Variants in TMEM114 observed in about 807,000 individuals in gnomAD.
The protein encoded by TMEM114 is claudin-26.
TMEM114 carries 6 observed loss-of-function variants against 6.2 expected under a neutral mutation model. That is an observed-to-expected ratio of 0.97 (90% CI 0.53 to 1.91). The LOEUF (loss-of-function observed/expected upper bound fraction) is 1.91. TMEM114 is among the 40% of genes most tolerant of loss of function. TMEM114 has a pLI of 0.01. For missense variants in TMEM114, 218 were observed against 158.3 expected (o/e 1.38, Z -2.02); for synonymous variants, 104 against 73.0 (o/e 1.42, Z -2.16).
At chr16:8,560,662 T>G (rs1901169441) in intron 2 of TMEM114, among the ~76,000 whole-genome samples, 1 of 152,132 alleles carries the variant, frequency 6.6e-6, no homozygotes, top group Admixed American at 6.5e-5. Context: ...AGAGCAAGTC[T>G]TCTCCTTCTG....
Position 8,590,118 on chromosome 16 carries a change from G to C in TMEM114, c.-280C>G, listed in dbSNP as rs1456523791. The C allele has an allele frequency of 3.0e-6, 1 of 337,326 alleles. No homozygotes were observed. The highest frequency in any genetic ancestry group is 5.3e-6 in the Non-Finnish European group (1 of 187,472). The allele number at this position is 337,326 out of a possible 1,614,324, so 20.9% of individuals were successfully genotyped here. A position where few individuals can be genotyped will look rare whatever the true frequency, so the allele number is the denominator to read the frequency against. On this transcript the variant is annotated 5_prime_UTR_variant, in exon 1 of 4. Transcript: ENST00000620492. ...CCTGCAGACCCCCTCACTCTCACTT[G>C]TGCTGTCCGACCTCCACCTCCGCCT...
chr16:8,536,079 G>C (rs1233083159), downstream of TMEM114, among the ~76,000 whole-genome samples: 1 of 152,040 alleles, frequency 6.6e-6, no homozygotes, highest in East Asian at 1.9e-4. Context: ...TACAAAATCA[G>C]CTGGGTGTGG....
chr16:8,583,223 G>A (rs1292856647), intron 2 of TMEM114, among the ~76,000 whole-genome samples: 2 of 152,220 alleles, frequency 1.3e-5, no homozygotes, highest in African/African-American at 4.8e-5. Context: ...TACTGGGGAT[G>A]AAATCAATAT....
downstream of TMEM114, among the ~76,000 whole-genome samples, chr16:8,567,062 G>A (rs1901570221): frequency 1.5e-5 from 1 of 65,208 alleles, no homozygotes; most frequent in Non-Finnish European, 3.1e-5. Flanking sequence ...TACCACAGCT[G>A]GCTATTTTTT....
At chr16:8,528,067 C>A in the TMEM114 span, among the ~76,000 whole-genome samples, 23 of 152,044 alleles carry the variant, frequency 1.5e-4, no homozygotes, top group African/African-American at 4.8e-4. Flanking sequence ...TGCCACCATG[C>A]CCGGCTAAGT....
chr16:8,540,462 G>C (rs773226728), intron 2 of TMEM114, among the ~76,000 whole-genome samples: 11 of 152,140 alleles, frequency 7.2e-5, no homozygotes, highest in Admixed American at 2.6e-4. Context: ...ATGAAATAAT[G>C]CAAGTAAAAT....
At chr16:8,571,879 G>A (rs1055757255) in intron 3 of TMEM114, among the ~76,000 whole-genome samples, 3 of 152,180 alleles carry the variant, frequency 2.0e-5, no homozygotes, top group Non-Finnish European at 4.4e-5. Context: ...CTTGGAAGCT[G>A]CTCCCTCTGC....
At position 8,589,885 on chromosome 16, in the gene TMEM114, G is replaced by T; in HGVS notation, c.-47C>A. ...CCGCGGGTTCCAGTGGCCGCGGCGC[G>T]ACCCCTCTGCTCCTGCCCCCGTCCC... On this transcript the variant is annotated 5_prime_UTR_variant, in exon 1 of 4. Coordinates refer to ENST00000620492, the MANE Select transcript of TMEM114 (RefSeq NM_001146336.2). 1 of 394,218 alleles carries T rather than the reference G, an allele frequency of 2.5e-6. No homozygotes were observed. The highest frequency in any genetic ancestry group is 1.3e-4 in the South Asian group (1 of 7,662). 24.4% of individuals were successfully genotyped at this position (394,218 alleles called of 1,614,324 possible).
At chr16:8,527,962 C>A in the TMEM114 span, among the ~76,000 whole-genome samples, 1 of 152,022 alleles carries the variant, frequency 6.6e-6, no homozygotes, top group Non-Finnish European at 1.5e-5. Flanking sequence ...GGCTGGAGTG[C>A]AGTGGTGCGA....
At chr16:8,577,275 G>A (rs1901972627) in intron 2 of TMEM114, among the ~76,000 whole-genome samples, 1 of 152,236 alleles carries the variant, frequency 6.6e-6, no homozygotes, top group Non-Finnish European at 1.5e-5. Flanking sequence ...TGTGAAAGGT[G>A]TCTGCCTTTA....
chr16:8,579,404 C>T (rs1320048245), intron 2 of TMEM114, among the ~76,000 whole-genome samples: 1 of 152,084 alleles, frequency 6.6e-6, no homozygotes. Context: ...TGGAAGAGCT[C>T]AGAGCTATGC....
intron 2 of TMEM114, among the ~76,000 whole-genome samples, chr16:8,580,236 C>G (rs1402680883): frequency 1.3e-5 from 2 of 152,152 alleles, no homozygotes; most frequent in Non-Finnish European, 2.9e-5. Context: ...CCTGTAATCC[C>G]AGCACTTAGG....
chr16:8,549,289 C>G (rs1035020037), intron 2 of TMEM114, among the ~76,000 whole-genome samples: 1 of 150,448 alleles, frequency 6.6e-6, no homozygotes, highest in Non-Finnish European at 1.5e-5. Context: ...CACCTGAGGT[C>G]AGGAGTTCGA....
intron 2 of TMEM114, among the ~76,000 whole-genome samples, chr16:8,546,747 C>G (rs1281487646): frequency 6.6e-6 from 1 of 152,168 alleles, no homozygotes; most frequent in Non-Finnish European, 1.5e-5. Flanking sequence ...CTTCAGGTTC[C>G]CCATGACAAC....
At chr16:8,548,023 GGCCGGAC>G (rs1900725755) in intron 2 of TMEM114, among the ~76,000 whole-genome samples, 1 of 152,072 alleles carries the variant, frequency 6.6e-6, no homozygotes, top group Non-Finnish European at 1.5e-5. Flanking sequence ...CAAAACATTT[GGCCGGAC>G]TTTGTTAATT....
chr16:8,549,526 G>T (rs1336061236), intron 2 of TMEM114, among the ~76,000 whole-genome samples: 1 of 149,524 alleles, frequency 6.7e-6, no homozygotes. Flanking sequence ...AAGAATGCAT[G>T]ATCTCAAAGT....
chr16:8,547,331 C>T (rs1030920809), intron 2 of TMEM114, among the ~76,000 whole-genome samples: 8 of 152,102 alleles, frequency 5.3e-5, no homozygotes, highest in Admixed American at 5.2e-4. Context: ...GAGGCCCTTC[C>T]TTGTCCTGAA....
the TMEM114 span, among the ~76,000 whole-genome samples, chr16:8,530,998 C>A: frequency 6.6e-6 from 1 of 151,840 alleles, no homozygotes; most frequent in African/African-American, 2.4e-5. Context: ...CACTGCAGTC[C>A]AAGCAGCAGA....
chr16:8,559,785 G>C (rs566216547), intron 2 of TMEM114, among the ~76,000 whole-genome samples: 18 of 152,292 alleles, frequency 1.2e-4, no homozygotes, highest in South Asian at 1.0e-3. Context: ...TGATGATGGA[G>C]GAGCTGTGTG....
Sources: gnomAD v4.1 joint callset for allele counts (sites outside exome capture counted in the v4.1 genomes callset) on GRCh38, gnomAD v4.1.1 for gene constraint, MANE v1.5 for transcripts, NCBI Gene and HGNC (gene_info 2026-07-23, HGNC 2026-07-21) for gene names.